ICOS: variants seen among roughly 807,000 people sequenced by gnomAD.
The protein encoded by ICOS is inducible T cell costimulator, also known as inducible T-cell costimulator.
Under a neutral mutation model 24.6 loss-of-function variants are expected in ICOS, and 15 were observed. That is an observed-to-expected ratio of 0.61 (90% CI 0.41 to 0.94). The LOEUF is 0.94. Ranked by LOEUF, ICOS falls within the 40% of genes least tolerant of loss-of-function variation. The probability of loss-of-function intolerance (pLI) is 0.00; values close to 1 mark genes in which losing one functional copy is unlikely to be tolerated. For missense variants in ICOS, 200 were observed against 233.0 expected, an observed-to-expected ratio of 0.86 and a Z score of 0.92; for synonymous variants, 89 against 77.5, an observed-to-expected ratio of 1.15 and a Z score of -0.78.
At chr2:203,956,830 C>G in intron 3 of ICOS, 65 bp downstream of exon 3, 1 of 1,048,780 alleles carries the variant, frequency 9.5e-7, no homozygotes, top group South Asian at 1.3e-5. Flanking sequence ...ATTTCCTCAT[C>G]AAAAGTACAC....
At chr2:203,956,446 G>A (rs1436603169) in intron 2 of ICOS, among the ~76,000 whole-genome samples, 1 of 152,062 alleles carries the variant, frequency 6.6e-6, no homozygotes, top group Non-Finnish European at 1.5e-5. Context: ...AACCACATTT[G>A]TAAATACATT....
intron 3 of ICOS, 30 bp from the exon 4 acceptor site, chr2:203,957,769 A>G (rs1581607413): frequency 2.7e-6 from 4 of 1,501,270 alleles, no homozygotes; most frequent in Non-Finnish European, 3.7e-6. Flanking sequence ...AGAAAAGATG[A>G]CCAAGCATGT....
chr2:203,958,728 A>T (rs1690120112), intron 4 of ICOS, among the ~76,000 whole-genome samples: 1 of 152,164 alleles, frequency 6.6e-6, no homozygotes. Flanking sequence ...AGATGACAGA[A>T]ATTGATGCTC....
chr2:203,959,477 T>TGG (rs1553499793), intron 4 of ICOS, 109 bp from the exon 5 acceptor site: 1 of 819,938 alleles, frequency 1.2e-6, no homozygotes, highest in Non-Finnish European at 2.2e-6. Flanking sequence ...TGTGTGTGTG[T>TGG]GCACGTGTGT....
At chr2:203,956,555 T>C (rs901249727) in intron 2 of ICOS, 104 bp from the exon 3 acceptor site, 6 of 819,112 alleles carry the variant, frequency 7.3e-6, no homozygotes, top group African/African-American at 6.7e-5. Context: ...TTCATGACTA[T>C]AATAAAGAAA....
At position 203,959,779 on chromosome 2, in the gene ICOS, C is replaced by G; in HGVS notation, c.*180C>G. ...GTCAATGGGGATTTTAACAGACTGCCTTGGTACTGCCGAGTCCTCTCAAAA... is the reference window on the plus strand; with the variant it reads ...GTCAATGGGGATTTTAACAGACTGCGTTGGTACTGCCGAGTCCTCTCAAAA... On this transcript the variant is annotated 3_prime_UTR_variant, in exon 5 of 5. Transcript: ENST00000316386. 1 of 693,818 alleles carries G rather than the reference C, an allele frequency of 1.4e-6. No individual in the cohort carries two copies. The highest frequency in any genetic ancestry group is 2.6e-6 in the Non-Finnish European group (1 of 386,580). The allele number at this position is 693,818 out of a possible 1,614,324, so 43.0% of individuals were successfully genotyped here.
At chr2:203,958,208 A>G (rs1407536145) in intron 4 of ICOS, among the ~76,000 whole-genome samples, 2 of 152,204 alleles carry the variant, frequency 1.3e-5, no homozygotes, top group African/African-American at 2.4e-5. Flanking sequence ...TGAAGGGTTC[A>G]TTCAGTCATT....
intron 1 of ICOS, 78 bp downstream of exon 1, chr2:203,936,950 C>A: frequency 1.8e-6 from 2 of 1,108,472 alleles, no homozygotes; most frequent in Non-Finnish European, 1.4e-6. Flanking sequence ...AGAAAAATTA[C>A]GCACCCAAAA....
In ICOS at chr2:203,960,064, A is replaced by C. The variant is rs901843250; in HGVS notation, c.*465A>C. On this transcript the variant is annotated 3_prime_UTR_variant, in exon 5 of 5. Transcript: ENST00000316386. Reference sequence around the variant, plus strand: ...ATGAGAATTCCTCTTTTAATCAGTCAAGGGAGATGCTTCAAAGCTGGAGCT... The same window carrying C: ...ATGAGAATTCCTCTTTTAATCAGTCCAGGGAGATGCTTCAAAGCTGGAGCT... 2.2e-5 allele frequency: 6 copies of C among 267,440 alleles called. No homozygotes were observed. Among genetic ancestry groups the C allele is most frequent in the Non-Finnish European group, 3.7e-5 (5 of 136,882 alleles). The allele number at this position is 267,440 out of a possible 1,614,324, so 16.6% of individuals were successfully genotyped here.
chr2:203,944,191 T>G lies in ICOS; in HGVS notation c.58+7319T>G, dbSNP rs544731751. Reference sequence around the variant, plus strand: ...TTGCCCTGTTCAAATAGTTACAAAGTTCAGCTAGAGAATTCCTTCTCCCTG... The same window carrying G: ...TTGCCCTGTTCAAATAGTTACAAAGGTCAGCTAGAGAATTCCTTCTCCCTG... On this transcript the variant is annotated intron_variant, in intron 1 of 4. Transcript: ENST00000316386. Among the ~76,000 whole-genome samples the G allele has an allele frequency of 3.3e-5, 5 of 152,326 alleles. 1 individual carries two copies. The highest frequency in any genetic ancestry group is 1.2e-4 in the African/African-American group (5 of 41,568).
In ICOS at chr2:203,959,663, A is replaced by T; in HGVS notation, c.*64A>T. ...AGTTTTCCTCAACTTGAAGTGCAAGATTCTCTTATTTCCGGGACCACGGAG... is the reference window on the plus strand; with the variant it reads ...AGTTTTCCTCAACTTGAAGTGCAAGTTTCTCTTATTTCCGGGACCACGGAG... On this transcript the variant is annotated 3_prime_UTR_variant, in exon 5 of 5. Transcript: ENST00000316386. 1 of 1,476,514 alleles carries T rather than the reference A, an allele frequency of 6.8e-7. No homozygotes were observed. The highest frequency in any genetic ancestry group is 9.5e-7 in the Non-Finnish European group (1 of 1,055,256). 91.5% of individuals were successfully genotyped at this position (1,476,514 alleles called of 1,614,324 possible).
chr2:203,954,572 G>A (rs1414195826), intron 1 of ICOS, among the ~76,000 whole-genome samples: 1 of 152,154 alleles, frequency 6.6e-6, no homozygotes, highest in East Asian at 1.9e-4. Context: ...CTGGGGAACA[G>A]AGTAAACCCT....
At chr2:203,957,038 G>A (rs1434557914) in intron 3 of ICOS, among the ~76,000 whole-genome samples, 1 of 152,150 alleles carries the variant, frequency 6.6e-6, no homozygotes, top group African/African-American at 2.4e-5. Flanking sequence ...TGAGGAAATT[G>A]AGGTCAAGAG....
chr2:203,951,651 A>G (rs747359689), intron 1 of ICOS, among the ~76,000 whole-genome samples: 3 of 152,208 alleles, frequency 2.0e-5, no homozygotes, highest in African/African-American at 7.2e-5. Context: ...GTAGAAGACA[A>G]TGCGTCTATG....
chr2:203,938,454 G>A (rs1689703807), intron 1 of ICOS, among the ~76,000 whole-genome samples: 1 of 152,242 alleles, frequency 6.6e-6, no homozygotes, highest in Non-Finnish European at 1.5e-5. Flanking sequence ...AAGAGGCTGA[G>A]CTTGGTCCAA....
chr2:203,939,740 G>A (rs192862280), intron 1 of ICOS, among the ~76,000 whole-genome samples: 221 of 152,260 alleles, frequency 1.5e-3, no homozygotes, highest in African/African-American at 4.1e-3. Flanking sequence ...TGTCTCCAGC[G>A]TCTGAGAGAA....
rs760283528 is a variant in ICOS, at chr2:203,936,851, T to C, written c.37T>C (p.Leu13=). 1.9e-6 allele frequency: 3 copies of C among 1,612,146 alleles called. No homozygotes were observed. The highest frequency in any genetic ancestry group is 2.5e-6 in the Non-Finnish European group (3 of 1,178,540). Residue 13 remains leucine (L), a synonymous_variant, in exon 1 of 5, where the codon TTG becomes CTG. Coordinates refer to ENST00000316386, the MANE Select transcript of ICOS (RefSeq NM_012092.4). ...CCTCTGGTATTTCTTTCTCTTCTGC[T>C]TGCGCATTAAAGTTTTAACAGGTAA... ...SGLWYFFLFC[L]RIKVLTGEIN... is the part of the protein sequence containing the mutation.
chr2:203,945,730 G>A (rs986193245), intron 1 of ICOS, among the ~76,000 whole-genome samples: 11 of 152,132 alleles, frequency 7.2e-5, no homozygotes, highest in African/African-American at 1.4e-4. Context: ...TTATGGGACC[G>A]CCACCATATA....
intron 3 of ICOS, among the ~76,000 whole-genome samples, chr2:203,956,983 T>C (rs964484430): frequency 1.3e-5 from 2 of 152,140 alleles, no homozygotes; most frequent in Non-Finnish European, 2.9e-5. Flanking sequence ...CTTGACTTGA[T>C]GGCTTACAGA....
Sources: gnomAD v4.1 joint callset for allele counts (sites outside exome capture counted in the v4.1 genomes callset) on GRCh38, gnomAD v4.1.1 for gene constraint, MANE v1.5 for transcripts, NCBI Gene and HGNC (gene_info 2026-07-23, HGNC 2026-07-21) for gene names.